Variants in TRPM4 observed in about 807,000 individuals in gnomAD.
TRPM4 encodes transient receptor potential cation channel subfamily M member 4.
In TRPM4, 124 loss-of-function variants were observed where a neutral mutation model predicts 135.6. The ratio of observed to expected loss-of-function variants is 0.91; its 90% CI spans 0.79 to 1.06. The LOEUF is 1.06. Ranked by LOEUF, TRPM4 falls within the 50% of genes least tolerant of loss-of-function variation. TRPM4 has a pLI of 0.00. For missense variants in TRPM4, 1,658 were observed against 1,671.4 expected, an observed-to-expected ratio of 0.99 and a Z score of 0.14; for synonymous variants, 745 against 705.6, an observed-to-expected ratio of 1.06 and a Z score of -0.88.
At chr19:49,190,833 G>T in intron 16 of TRPM4, 60 bp downstream of exon 16, 1 of 1,495,748 alleles carries the variant, frequency 6.7e-7, no homozygotes, top group East Asian at 2.3e-5. Context: ...CAGGACATGT[G>T]CCAGTTCCAC....
At chr19:49,186,198 C>G (rs939402705) in intron 12 of TRPM4, among the ~76,000 whole-genome samples, 3 of 152,170 alleles carry the variant, frequency 2.0e-5, no homozygotes, top group Non-Finnish European at 2.9e-5. Context: ...GCAAATATAA[C>G]AAGAAACTCC....
Position 49,164,364 on chromosome 19 carries a change from G to GTTTTTTTTTTTTTTTTTTT in TRPM4, c.93-1661_93-1643dup, listed in dbSNP as rs869232937. On this transcript the variant is annotated intron_variant, in intron 2 of 24. Coordinates refer to ENST00000252826, the MANE Select transcript of TRPM4 (RefSeq NM_017636.4). ...CCTCCCTCCTTCCTTTCTTTCCTTA[G>GTTTTTTTTTTTTTTTTTTT]TTTTTTTTTTTTTTTTTTTTTTTTT... Among the ~76,000 whole-genome samples, 2 of 16,244 alleles carry GTTTTTTTTTTTTTTTTTTT rather than the reference G, an allele frequency of 1.2e-4. 1 individual carries two copies. Among genetic ancestry groups the GTTTTTTTTTTTTTTTTTTT allele is most frequent in the Non-Finnish European group, 2.1e-4 (2 of 9,532 alleles). The allele number at this position is 16,244 out of a possible 152,430, so 10.7% of individuals were successfully genotyped here. A position where few individuals can be genotyped will look rare whatever the true frequency, so the allele number is the denominator to read the frequency against.
Position 49,200,706 on chromosome 19 carries a change from C to T in TRPM4, c.2874C>T (p.Asp958=). Residue 958 remains aspartate (D), a synonymous_variant, in exon 19 of 25, where the codon GAC becomes GAT. Transcript: ENST00000252826. The stretch of plus-strand genomic sequence containing the variant: ...GGCTCCTGAGGCCACGGGACAGTGA[C>T]TTCCCAAGTATCCTGCGCCGCGTCT... ...TEGLLRPRDS[D]FPSILRRVFY... 6.2e-7 allele frequency: 1 copy of T among 1,614,086 alleles called. No homozygotes were observed.
At chr19:49,180,325 G>C (rs1967865412) in intron 9 of TRPM4, among the ~76,000 whole-genome samples, 1 of 150,896 alleles carries the variant, frequency 6.6e-6, no homozygotes, top group South Asian at 2.1e-4. Context: ...AGGGTCTCTC[G>C]GAGTCCCTCT....
rs142961946 is a variant in TRPM4 at position 49,189,541 on chromosome 19, CT to C, written c.2019+463del. ...TAGAATGGCCTCACTGAACAATTAC[CT>C]TTTTTTTTTTTTGGACATAAACAAA... On this transcript the variant is annotated intron_variant, in intron 14 of 24. Transcript: ENST00000252826. 5.8e-3 allele frequency among the ~76,000 whole-genome samples: 835 copies of C among 144,994 alleles called. 4 individuals are homozygous for C. Among genetic ancestry groups the C allele is most frequent in the Non-Finnish European group, 8.5e-3 (565 of 66,312 alleles).
chr19:49,204,903 T>C (rs1969089140), intron 20 of TRPM4, among the ~76,000 whole-genome samples: 1 of 150,320 alleles, frequency 6.7e-6, no homozygotes, highest in Non-Finnish European at 1.5e-5. Flanking sequence ...TTTAATCCTA[T>C]GTTAGGTCTC....
chr19:49,200,723 G>A lies in TRPM4; in HGVS notation c.2891G>A (p.Arg964His), dbSNP rs372848098. ...PRDSDFPSIL[R>H]RVFYRPYLQI... is the part of the protein sequence containing the mutation. Reference sequence around the variant, plus strand: ...GACAGTGACTTCCCAAGTATCCTGCGCCGCGTCTTCTACCGTCCCTACCTG... The same window carrying A: ...GACAGTGACTTCCCAAGTATCCTGCACCGCGTCTTCTACCGTCCCTACCTG... The change falls in exon 19 of 25, where the codon CGC becomes CAC. Residue 964 changes from arginine to histidine, a missense_variant. Transcript: ENST00000252826. 6.8e-6 allele frequency: 11 copies of A among 1,613,930 alleles called. No homozygotes were observed. Among genetic ancestry groups the A allele is most frequent in the East Asian group, 4.5e-5 (2 of 44,888 alleles).
chr19:49,167,472 T>C (rs866460412), intron 3 of TRPM4, among the ~76,000 whole-genome samples: 1 of 125,980 alleles, frequency 7.9e-6, no homozygotes, highest in African/African-American at 3.2e-5. Flanking sequence ...TGTCGCCATC[T>C]CTCTGGGTCT....
At chr19:49,185,838 C>A (rs1226124340) in intron 12 of TRPM4, among the ~76,000 whole-genome samples, 7 of 151,658 alleles carry the variant, frequency 4.6e-5, no homozygotes, top group Non-Finnish European at 2.9e-5. Flanking sequence ...GCAAGCTCCA[C>A]CTCCCAGGTT....
chr19:49,164,098 T>A (rs1337716796), intron 2 of TRPM4, among the ~76,000 whole-genome samples: 1 of 152,210 alleles, frequency 6.6e-6, no homozygotes. Context: ...GTAAAATTGC[T>A]CTTAAATCTG....
chr19:49,182,494 A>ATCCG (rs1968017181), intron 10 of TRPM4, 84 bp from the exon 11 acceptor site: 2 of 942,986 alleles, frequency 2.1e-6, no homozygotes, highest in Non-Finnish European at 3.3e-6. Context: ...CCATCCATCC[A>ATCCG]TCCATCCGTC....
chr19:49,194,688 TC>T (rs1968563573), intron 16 of TRPM4, among the ~76,000 whole-genome samples: 1 of 119,634 alleles, frequency 8.4e-6, no homozygotes, highest in Admixed American at 8.8e-5. Context: ...TTCCTTCTTT[TC>T]TTCCTTCCTT....
At position 49,182,808 on chromosome 19, in the gene TRPM4, C is replaced by T. The variant is rs150314975; in HGVS notation, c.1494C>T (p.Leu498=). The change falls in exon 11 of 25, where the codon CTC becomes CTT. Residue 498 remains leucine, a synonymous_variant. Transcript: ENST00000252826. ...CCCTAAAAGGGGGAGCTGCGGAGCT[C>T]CGGCCCCCTGACGTGGGGCATGTGC... ...APALKGGAAE[L]RPPDVGHVLR... is the part of the protein sequence containing the mutation. 3.2e-5 allele frequency: 52 copies of T among 1,609,870 alleles called. No homozygotes were observed. The African/African-American group carries it at 6.5e-4, about 20-fold the overall frequency.
At position 49,182,057 on chromosome 19, in the gene TRPM4, TATCCATCC is replaced by T. The variant is rs753427789; in HGVS notation, c.1264-493_1264-486del. 2.6e-4 allele frequency among the ~76,000 whole-genome samples: 34 copies of T among 130,398 alleles called. No individual in the cohort carries two copies. In the East Asian group the frequency reaches 3.3e-3, roughly 13 times the overall value. 85.5% of individuals were successfully genotyped at this position (130,398 alleles called of 152,430 possible). A position where few individuals can be genotyped will look rare whatever the true frequency, so the allele number is the denominator to read the frequency against. On this transcript the variant is annotated intron_variant, in intron 10 of 24. Transcript: ENST00000252826. ...CCATCCATTTGTCCATCCATCCATT[TATCCATCC>T]ATCCATCCATCCATCCATCCATCCA...
intron 20 of TRPM4, among the ~76,000 whole-genome samples, chr19:49,202,367 AG>A (rs1314140481): frequency 6.6e-6 from 1 of 152,058 alleles, no homozygotes; most frequent in Non-Finnish European, 1.5e-5. Flanking sequence ...TTTTTGAGAC[AG>A]GGTCTCACTC....
chr19:49,179,453 C>T lies in TRPM4; in HGVS notation c.1151-1896C>T, dbSNP rs147387878. Among the ~76,000 whole-genome samples the T allele has an allele frequency of 3.3e-3, 504 of 152,006 alleles. 4 individuals are homozygous for T. The highest frequency in any genetic ancestry group is 0.012 in the African/African-American group (480 of 41,468). ...GCAACCTCCACCTCCCGGGTTCAAG[C>T]GATTCTCCTGCTCAGCCTCCCAAGT... On this transcript the variant is annotated intron_variant, in intron 9 of 24. Transcript: ENST00000252826.
At chr19:49,182,242 A>ATCCATCCG (rs1967982562) in intron 10 of TRPM4, among the ~76,000 whole-genome samples, 1 of 144,348 alleles carries the variant, frequency 6.9e-6, no homozygotes, top group Non-Finnish European at 1.5e-5. Flanking sequence ...CCATCTATCC[A>ATCCATCCG]TCCATCCATC....
At chr19:49,196,371 G>A in intron 16 of TRPM4, 69 bp from the exon 17 acceptor site, 1 of 1,398,132 alleles carries the variant, frequency 7.2e-7, no homozygotes, top group Non-Finnish European at 9.5e-7. Flanking sequence ...CAAAAGTCTC[G>A]ATGATGGTGG....
intron 2 of TRPM4, chr19:49,158,712 A>G (rs2041570389): frequency 5.4e-6 from 1 of 184,066 alleles, no homozygotes; most frequent in Non-Finnish European, 1.1e-5. Context: ...CCCCTGGGAC[A>G]CGTGCTGTGT....
Sources: gnomAD v4.1 joint callset for allele counts (sites outside exome capture counted in the v4.1 genomes callset) on GRCh38, gnomAD v4.1.1 for gene constraint, MANE v1.5 for transcripts, NCBI Gene and HGNC (gene_info 2026-07-23, HGNC 2026-07-21) for gene names.